The following SEPTIN11 variants were observed in gnomAD, a reference collection of about 807,000 sequenced individuals.
SEPTIN11 encodes the protein septin 11, also known as septin-11.
SEPTIN11 carries 25 observed loss-of-function variants against 51.4 expected under a neutral mutation model. The observed-to-expected ratio is 0.49, with a 90% confidence interval of 0.35 to 0.68. The LOEUF is 0.68. SEPTIN11 is among the 30% of genes least tolerant of loss of function. SEPTIN11 has a pLI of 0.00. For missense variants in SEPTIN11, 381 were observed against 520.8 expected (o/e 0.73, Z 2.61); for synonymous variants, 174 against 184.1 (o/e 0.95, Z 0.44).
chr4:77,014,034 C>T (rs1018161461), intron 4 of SEPTIN11, among the ~76,000 whole-genome samples: 2 of 152,140 alleles, frequency 1.3e-5, no homozygotes, highest in African/African-American at 4.8e-5. Context: ...GGAAGTTGTG[C>T]TCTGGGGTAT....
chr4:77,037,372 A>C lies in SEPTIN11; in HGVS notation c.*2860A>C. On this transcript the variant is annotated 3_prime_UTR_variant, in exon 10 of 10. Transcript: ENST00000264893. ...GTGAGACTCTCCAAAAAAAAAAAAG[A>C]AATTATTAATCCCTGCCTGTGCTCT... The C allele has an allele frequency of 1.0e-6, 1 of 984,368 alleles. No individual in the cohort carries two copies. Among genetic ancestry groups the C allele is most frequent in the Non-Finnish European group, 1.2e-6 (1 of 829,234 alleles). The allele number at this position is 984,368 out of a possible 1,614,324, so 61.0% of individuals were successfully genotyped here.
chr4:76,973,046 A>T (rs1722315816), intron 1 of SEPTIN11: 1 of 152,206 alleles, frequency 6.6e-6, no homozygotes, highest in African/African-American at 2.4e-5. Context: ...TTAAAAATAA[A>T]AAGTAGATGA....
chr4:77,037,702 C>T lies in SEPTIN11; in HGVS notation c.*3190C>T. 2 of 985,782 alleles carry T rather than the reference C, an allele frequency of 2.0e-6. No homozygotes were observed. The highest frequency in any genetic ancestry group is 2.4e-6 in the Non-Finnish European group (2 of 829,918). The allele number at this position is 985,782 out of a possible 1,614,324, so 61.1% of individuals were successfully genotyped here. A position where few individuals can be genotyped will look rare whatever the true frequency, so the allele number is the denominator to read the frequency against. The stretch of plus-strand genomic sequence containing the variant: ...TTTGCTTCTTCTGAACTTTAGATCT[C>T]CATAACACATGTACTGTAGAATGTG... On this transcript the variant is annotated 3_prime_UTR_variant, in exon 10 of 10. Transcript: ENST00000264893.
At chr4:76,997,519 G>C (rs1723807432) in intron 2 of SEPTIN11, among the ~76,000 whole-genome samples, 1 of 152,114 alleles carries the variant, frequency 6.6e-6, no homozygotes, top group South Asian at 2.1e-4. Flanking sequence ...ACTGCATGTA[G>C]CCTCTGTGCT....
At chr4:76,979,824 G>T (rs1000298776) in intron 1 of SEPTIN11, among the ~76,000 whole-genome samples, 16 of 151,312 alleles carry the variant, frequency 1.1e-4, no homozygotes, top group African/African-American at 3.4e-4. Flanking sequence ...GAAAGAGGTT[G>T]CAGTGAGCCG....
Position 77,035,093 on chromosome 4 carries a change from G to A in SEPTIN11, c.*581G>A. ...TTTAATCAATAACATTATTTGGCCTGAGCTTGTGGGTCTGTTCAGACTGTC... is the reference window on the plus strand; with the variant it reads ...TTTAATCAATAACATTATTTGGCCTAAGCTTGTGGGTCTGTTCAGACTGTC... On this transcript the variant is annotated 3_prime_UTR_variant, in exon 10 of 10. Transcript: ENST00000264893. 2 of 985,414 alleles carry A rather than the reference G, an allele frequency of 2.0e-6. No individual in the cohort carries two copies. The highest frequency in any genetic ancestry group is 3.5e-5 in the African/African-American group (2 of 57,332). The allele number at this position is 985,414 out of a possible 1,614,324, so 61.0% of individuals were successfully genotyped here.
chr4:77,020,048 A>C (rs1371101946), intron 6 of SEPTIN11, among the ~76,000 whole-genome samples: 1 of 152,226 alleles, frequency 6.6e-6, no homozygotes, highest in Non-Finnish European at 1.5e-5. Flanking sequence ...GGTATGTAAA[A>C]GTGGCCCTGC....
In SEPTIN11 at chr4:77,036,151, A is replaced by G; in HGVS notation, c.*1639A>G. The G allele has an allele frequency of 1.0e-6, 1 of 987,136 alleles. No individual in the cohort carries two copies. The highest frequency in any genetic ancestry group is 1.2e-6 in the Non-Finnish European group (1 of 831,004). 61.1% of individuals were successfully genotyped at this position (987,136 alleles called of 1,614,324 possible). On this transcript the variant is annotated 3_prime_UTR_variant, in exon 10 of 10. Transcript: ENST00000264893. ...ATGAACTGATTATGCTTAATTAAGC[A>G]AAGTAAGGAAATTAGTTTCATGGAA...
At chr4:77,023,035 T>A (rs1256318447) in intron 7 of SEPTIN11, among the ~76,000 whole-genome samples, 2 of 152,140 alleles carry the variant, frequency 1.3e-5, no homozygotes, top group African/African-American at 4.8e-5. Flanking sequence ...CCAGAGTAAC[T>A]GCCCACCAGG....
In SEPTIN11 at chr4:77,011,378, G is replaced by C. The variant is rs182483034; in HGVS notation, c.339-357G>C. Among the ~76,000 whole-genome samples, 4 of 152,258 alleles carry C rather than the reference G, an allele frequency of 2.6e-5. No homozygotes were observed. The East Asian group carries it at 7.7e-4, about 29-fold the overall frequency. ...CAATATCTTCCACGGATACCCCTTG[G>C]GGGAGTGGCAGTCAGCTCCACGTAT... On this transcript the variant is annotated intron_variant, in intron 3 of 9. Coordinates refer to ENST00000264893, the MANE Select transcript of SEPTIN11 (RefSeq NM_018243.4).
intron 1 of SEPTIN11, among the ~76,000 whole-genome samples, chr4:76,954,551 A>G (rs1721477902): frequency 6.6e-6 from 1 of 152,196 alleles, no homozygotes; most frequent in Non-Finnish European, 1.5e-5. Flanking sequence ...CTGGCAGCCC[A>G]TCAATGCAGC....
intron 1 of SEPTIN11, 28 bp downstream of exon 1, chr4:76,949,958 C>T: frequency 4.8e-6 from 7 of 1,447,800 alleles, no homozygotes; most frequent in Non-Finnish European, 6.3e-6. Flanking sequence ...GCCTGCTGCT[C>T]CTCGGGCGCC....
intron 9 of SEPTIN11, among the ~76,000 whole-genome samples, chr4:77,033,421 A>T (rs1434535981): frequency 6.6e-5 from 10 of 152,200 alleles, no homozygotes; most frequent in Admixed American, 6.5e-4. Context: ...TAATAGTTTT[A>T]AATTCTCTTT....
At chr4:77,012,311 G>T (rs535744146) in intron 4 of SEPTIN11, among the ~76,000 whole-genome samples, 4 of 152,214 alleles carry the variant, frequency 2.6e-5, no homozygotes, top group Admixed American at 2.0e-4. Flanking sequence ...GATGATAATG[G>T]TCCAGCTTCT....
chr4:77,019,089 G>A, intron 5 of SEPTIN11, 76 bp from the exon 6 acceptor site: 1 of 1,363,944 alleles, frequency 7.3e-7, no homozygotes, highest in South Asian at 1.3e-5. Flanking sequence ...CAGAAGGAGG[G>A]AGAAGATAGA....
intron 1 of SEPTIN11, among the ~76,000 whole-genome samples, chr4:76,963,260 G>T (rs1721893321): frequency 1.3e-5 from 2 of 152,196 alleles, no homozygotes; most frequent in Non-Finnish European, 2.9e-5. Context: ...TAAACCCGTT[G>T]CACACACTGC....
At position 76,949,829 on chromosome 4, in the gene SEPTIN11, G is replaced by T. The variant is rs1034884016; in HGVS notation, c.-75G>T. 58 of 1,466,420 alleles carry T rather than the reference G, an allele frequency of 4.0e-5. No individual in the cohort carries two copies. Among genetic ancestry groups the T allele is most frequent in the Non-Finnish European group, 5.2e-5 (57 of 1,098,824 alleles). The allele number at this position is 1,466,420 out of a possible 1,614,324, so 90.8% of individuals were successfully genotyped here. Reference sequence around the variant, plus strand: ...GAGGGAGGCGCGAGGGAGGCGAGCCGGAGCCCGAGCACTAGCAGCAGCCGG... The same window carrying T: ...GAGGGAGGCGCGAGGGAGGCGAGCCTGAGCCCGAGCACTAGCAGCAGCCGG... On this transcript the variant is annotated 5_prime_UTR_variant, in exon 1 of 10. Coordinates refer to ENST00000264893, the MANE Select transcript of SEPTIN11 (RefSeq NM_018243.4).
intron 1 of SEPTIN11, among the ~76,000 whole-genome samples, chr4:76,985,468 GC>G (rs1722977381): frequency 1.3e-5 from 2 of 152,166 alleles, no homozygotes; most frequent in Non-Finnish European, 2.9e-5. Context: ...CTTTTCAACA[GC>G]GTTTTTCCTA....
intron 8 of SEPTIN11, among the ~76,000 whole-genome samples, chr4:77,029,301 G>T (rs1260922950): frequency 6.6e-6 from 1 of 152,000 alleles, no homozygotes; most frequent in Admixed American, 6.6e-5. Flanking sequence ...AGTTAACATA[G>T]ATTTATACTA....
Sources: gnomAD v4.1 joint callset for allele counts (sites outside exome capture counted in the v4.1 genomes callset) on GRCh38, gnomAD v4.1.1 for gene constraint, MANE v1.5 for transcripts, NCBI Gene and HGNC (gene_info 2026-07-23, HGNC 2026-07-21) for gene names.